DHX30: variants seen among roughly 807,000 people sequenced by gnomAD.
The protein encoded by DHX30 is DExH-box helicase 30, also known as ATP-dependent RNA helicase DHX30.
In DHX30, 4 loss-of-function variants were observed where a neutral mutation model predicts 116.9. That is an observed-to-expected ratio of 0.03 (90% CI 0.02 to 0.08). The LOEUF (loss-of-function observed/expected upper bound fraction) is 0.08, where lower values mean the gene tolerates loss of function less well. Among genes scored for constraint, DHX30 ranks in the 10% least tolerant of loss-of-function variants. The probability of loss-of-function intolerance (pLI) is 1.00; values close to 1 mark genes in which losing one functional copy is unlikely to be tolerated. For synonymous variants in DHX30, 697 were observed against 651.7 expected (o/e 1.07, Z -1.06); for missense variants, 871 against 1,595.1 (o/e 0.55, Z 7.73).
chr3:47,823,318 C>A (rs1576478724), intron 4 of DHX30, among the ~76,000 whole-genome samples: 2 of 151,574 alleles, frequency 1.3e-5, no homozygotes, highest in East Asian at 3.9e-4. Context: ...ACAAAGACCC[C>A]CCTGGGAACA....
At position 47,846,412 on chromosome 3, in the gene DHX30, T is replaced by C. The variant is rs748697748; in HGVS notation, c.1340T>C (p.Ile447Thr). 3 of 1,614,136 alleles carry C rather than the reference T, an allele frequency of 1.9e-6. No individual in the cohort carries two copies. The highest frequency in any genetic ancestry group is 2.5e-6 in the Non-Finnish European group (3 of 1,180,030). ...DPHRDTILNA[I>T]EQHPVVVISG... ...CATCGGGACACCATCCTCAACGCCATTGAGCAGCACCCGGTGGTGGTCATC... is the reference window on the plus strand; with the variant it reads ...CATCGGGACACCATCCTCAACGCCACTGAGCAGCACCCGGTGGTGGTCATC... The change falls in exon 11 of 22, where the codon ATT becomes ACT. Residue 447 changes from isoleucine to threonine, a missense_variant. Physicochemically the swap from Ile to Thr is moderately conservative, Grantham distance 89. This residue lies in a region of DHX30 where 175 missense variants were observed against 292.9 expected (regional missense o/e 0.60). Coordinates refer to ENST00000445061, the MANE Select transcript of DHX30 (RefSeq NM_138615.3).
intron 6 of DHX30, among the ~76,000 whole-genome samples, chr3:47,832,457 A>T (rs1425237008): frequency 1.3e-5 from 2 of 152,010 alleles, no homozygotes. Flanking sequence ...TTACAGGCAC[A>T]CACAACCATG....
chr3:47,848,850 C>A lies in DHX30; in HGVS notation c.2769+33C>A. On this transcript the variant is annotated intron_variant, in intron 17 of 21. Transcript: ENST00000445061. This position sits in a 1 kb window ranked among gnomAD's most constrained non-coding sequence, Gnocchi z 9.4. ...CTGGCTCCTTCCTGGAGCCGTCCAC[C>A]CACTGCTGTTCTGAGGGGGCGTTGT... The A allele has an allele frequency of 1.2e-6, 2 of 1,601,436 alleles. No homozygotes were observed. The highest frequency in any genetic ancestry group is 1.7e-4 in the Middle Eastern group (1 of 6,026).
At chr3:47,834,526 G>T (rs547948005) in intron 6 of DHX30, among the ~76,000 whole-genome samples, 2 of 152,268 alleles carry the variant, frequency 1.3e-5, no homozygotes, top group African/African-American at 4.8e-5. Context: ...CTGGAATGCA[G>T]TGGTGCGATC....
rs151115082 is a variant in DHX30, at chr3:47,818,026, G to A, written c.33G>A (p.Arg11=). 1.6e-4 allele frequency: 124 copies of A among 781,028 alleles called. No individual in the cohort carries two copies. In the East Asian group the frequency reaches 1.7e-3, roughly 11 times the overall value. 48.4% of individuals were successfully genotyped at this position (781,028 alleles called of 1,614,324 possible). A position where few individuals can be genotyped will look rare whatever the true frequency, so the allele number is the denominator to read the frequency against. MFSLDSFRKD[R]AQHRQRQCKL... ...ATGCCCTCTCTCTTTCCCCAGATCGGGCCCAGCACAGGCAGCGTCAGTGCA... is the reference window on the plus strand; with the variant it reads ...ATGCCCTCTCTCTTTCCCCAGATCGAGCCCAGCACAGGCAGCGTCAGTGCA... The change falls in exon 4 of 22, where the codon CGG becomes CGA. Residue 11 remains arginine, a synonymous_variant. Transcript: ENST00000445061.
At chr3:47,815,132 C>T (rs1008785958) in intron 3 of DHX30, among the ~76,000 whole-genome samples, 5 of 152,086 alleles carry the variant, frequency 3.3e-5, no homozygotes, top group Admixed American at 1.3e-4. Flanking sequence ...TTGAGGTTCC[C>T]GAGTTTCATT....
At chr3:47,829,225 A>G (rs2036692942) in intron 6 of DHX30, 91 bp downstream of exon 6, 4 of 561,192 alleles carry the variant, frequency 7.1e-6, no homozygotes, top group African/African-American at 2.1e-5. Flanking sequence ...CCAGTGTTCT[A>G]CCACTCACCT....
At position 47,849,316 on chromosome 3, in the gene DHX30, G is replaced by C; in HGVS notation, c.3054G>C (p.Val1018=). ...YSEEEELVKG[V]LMAGLYPNLI... is the part of the protein sequence containing the mutation. ...AGGAGGAGGAGCTGGTGAAGGGCGTGCTGATGGCCGGCCTCTACCCCAACC... is the reference window on the plus strand; with the variant it reads ...AGGAGGAGGAGCTGGTGAAGGGCGTCCTGATGGCCGGCCTCTACCCCAACC... Residue 1018 remains valine, a synonymous_variant, in exon 19 of 22, where the codon GTG becomes GTC. Coordinates refer to ENST00000445061, the MANE Select transcript of DHX30 (RefSeq NM_138615.3). 6.2e-7 allele frequency: 1 copy of C among 1,613,896 alleles called. No homozygotes were observed. The highest frequency in any genetic ancestry group is 8.5e-7 in the Non-Finnish European group (1 of 1,179,992).
intron 6 of DHX30, among the ~76,000 whole-genome samples, chr3:47,832,273 A>G (rs933169330): frequency 1.5e-4 from 23 of 152,080 alleles, no homozygotes. Flanking sequence ...TTTCGTCCTC[A>G]GCCACTGGAA....
At chr3:47,843,358 G>A in intron 9 of DHX30, 103 bp downstream of exon 9, 2 of 1,491,536 alleles carry the variant, frequency 1.3e-6, no homozygotes, top group East Asian at 2.3e-5. Flanking sequence ...AACCACCACA[G>A]CAGGCCTTTT....
At position 47,847,125 on chromosome 3, in the gene DHX30, G is replaced by A; in HGVS notation, c.1929+124G>A. 6.8e-7 allele frequency: 1 copy of A among 1,481,292 alleles called. No homozygotes were observed. The highest frequency in any genetic ancestry group is 2.3e-5 in the East Asian group (1 of 43,800). 91.8% of individuals were successfully genotyped at this position (1,481,292 alleles called of 1,614,324 possible). A position where few individuals can be genotyped will look rare whatever the true frequency, so the allele number is the denominator to read the frequency against. On this transcript the variant is annotated intron_variant, in intron 11 of 21. Transcript: ENST00000445061. This position sits in a 1 kb window ranked among gnomAD's most constrained non-coding sequence, Gnocchi z 5.5. Reference sequence around the variant, plus strand: ...TCCCCAGTCCTCGGTTTCCTTGATAGAAACTGGGGACTAACCCTGCCTGCG... The same window carrying A: ...TCCCCAGTCCTCGGTTTCCTTGATAAAAACTGGGGACTAACCCTGCCTGCG...
chr3:47,804,623 C>T (rs1416017622), intron 1 of DHX30, among the ~76,000 whole-genome samples: 1 of 152,190 alleles, frequency 6.6e-6, no homozygotes, highest in African/African-American at 2.4e-5. Flanking sequence ...CCCCTTTCAG[C>T]CTTTGAAGAT....
chr3:47,806,016 C>T (rs902156525), intron 2 of DHX30, among the ~76,000 whole-genome samples: 3 of 150,420 alleles, frequency 2.0e-5, no homozygotes, highest in Non-Finnish European at 3.0e-5. Flanking sequence ...GTTTTTGAGA[C>T]AGTCTTGCCC....
chr3:47,845,068 T>C (rs1034207353), intron 9 of DHX30, among the ~76,000 whole-genome samples: 38 of 152,102 alleles, frequency 2.5e-4, no homozygotes, highest in African/African-American at 8.7e-4. Flanking sequence ...GAGGTGACAG[T>C]GGCCTATTGT....
chr3:47,828,912 G>A lies in DHX30; in HGVS notation c.256-112G>A, dbSNP rs1489354745. Reference sequence around the variant, plus strand: ...TTCTCAACTCTGAACCTAGCACATTGCTGCTGTGAGGTCTGCTGCTGTGAG... The same window carrying A: ...TTCTCAACTCTGAACCTAGCACATTACTGCTGTGAGGTCTGCTGCTGTGAG... On this transcript the variant is annotated intron_variant, in intron 5 of 21. Transcript: ENST00000445061. 4.4e-6 allele frequency: 3 copies of A among 674,476 alleles called. No individual in the cohort carries two copies. The East Asian group carries it at 8.7e-5, about 20-fold the overall frequency. 41.8% of individuals were successfully genotyped at this position (674,476 alleles called of 1,614,324 possible).
At chr3:47,843,388 G>A (rs1413046285) in intron 9 of DHX30, 133 bp downstream of exon 9, 8 of 1,236,752 alleles carry the variant, frequency 6.5e-6, no homozygotes, top group Non-Finnish European at 7.8e-6. Context: ...AAAGACAGCT[G>A]GTATGCAGGC....
intron 6 of DHX30, among the ~76,000 whole-genome samples, chr3:47,837,573 C>G (rs529922491): frequency 2.6e-5 from 4 of 152,060 alleles, no homozygotes; most frequent in Admixed American, 6.6e-5. Flanking sequence ...GCAGCCTGGC[C>G]GACATGGTGA....
rs375837967 is a variant in DHX30, at chr3:47,819,230, G to A, written c.124+1113G>A. On this transcript the variant is annotated intron_variant, in intron 4 of 21. Coordinates refer to ENST00000445061, the MANE Select transcript of DHX30 (RefSeq NM_138615.3). ...TCTTTCTTAAAATGCCCTGTAACTCGAAAAGGCTGAACGTTAACATTTCCA... is the reference window on the plus strand; with the variant it reads ...TCTTTCTTAAAATGCCCTGTAACTCAAAAAGGCTGAACGTTAACATTTCCA... 3.4e-5 allele frequency: 47 copies of A among 1,367,404 alleles called. 1 individual carries two copies. The highest frequency in any genetic ancestry group is 4.5e-5 in the East Asian group (1 of 21,998). The allele number at this position is 1,367,404 out of a possible 1,614,324, so 84.7% of individuals were successfully genotyped here.
intron 1 of DHX30, among the ~76,000 whole-genome samples, chr3:47,804,976 G>C (rs1324617787): frequency 6.6e-6 from 1 of 152,168 alleles, no homozygotes; most frequent in East Asian, 1.9e-4. Context: ...GCTTCTTTAT[G>C]TTAGATTATC....
Sources: gnomAD v4.1 joint callset for allele counts (sites outside exome capture counted in the v4.1 genomes callset) on GRCh38, gnomAD v4.1.1 for gene constraint, gnomAD v4.1.1 regional missense constraint, Gnocchi (gnomAD v3.1) non-coding constraint, MANE v1.5 for transcripts, NCBI Gene and HGNC (gene_info 2026-07-23, HGNC 2026-07-21) for gene names.